PPP2R2B: variants seen among roughly 807,000 people sequenced by gnomAD.
PPP2R2B encodes serine/threonine-protein phosphatase 2A 55 kDa regulatory subunit B beta isoform.
In PPP2R2B, 5 loss-of-function variants were observed where a neutral mutation model predicts 46.0. The observed-to-expected ratio is 0.11, with a 90% CI of 0.06 to 0.23. The LOEUF is 0.23. Ranked by LOEUF, PPP2R2B falls within the 10% of genes least tolerant of loss-of-function variation. The pLI, the probability that PPP2R2B is intolerant of heterozygous loss-of-function variation, is 1.00. For missense variants in PPP2R2B, 367 were observed against 575.0 expected (o/e 0.64, Z 3.70); for synonymous variants, 215 against 206.7 (o/e 1.04, Z -0.34).
intron 2 of PPP2R2B, among the ~76,000 whole-genome samples, chr5:147,072,348 A>G (rs966480620): frequency 5.9e-5 from 9 of 152,222 alleles, no homozygotes; most frequent in African/African-American, 2.2e-4. Context: ...TTCTCTAAAA[A>G]TATCCATTAT....
At chr5:146,666,871 C>T (rs2151115279) in intron 5 of PPP2R2B, among the ~76,000 whole-genome samples, 1 of 152,262 alleles carries the variant, frequency 6.6e-6, no homozygotes, top group East Asian at 1.9e-4. Context: ...AAGTAAAATT[C>T]CCAGGTCTTT....
At chr5:146,822,858 G>A (rs926177614) in intron 2 of PPP2R2B, among the ~76,000 whole-genome samples, 32 of 152,144 alleles carry the variant, frequency 2.1e-4, no homozygotes, top group African/African-American at 4.6e-4. Context: ...AAGTCTTTCC[G>A]TGCCTTTGTC....
chr5:146,893,183 T>C (rs913730094), intron 1 of PPP2R2B, among the ~76,000 whole-genome samples: 1 of 152,200 alleles, frequency 6.6e-6, no homozygotes, highest in African/African-American at 2.4e-5. Flanking sequence ...ATCTCTGACA[T>C]TTTCAGTAAC....
chr5:146,772,445 T>A (rs902816027), intron 2 of PPP2R2B, among the ~76,000 whole-genome samples: 5 of 145,216 alleles, frequency 3.4e-5, no homozygotes, highest in Non-Finnish European at 7.5e-5. Context: ...TATTTCTAAA[T>A]ACAGAGAGAA....
chr5:146,763,801 C>A (rs553685010), intron 2 of PPP2R2B, among the ~76,000 whole-genome samples: 1 of 152,304 alleles, frequency 6.6e-6, no homozygotes, highest in Non-Finnish European at 1.5e-5. Context: ...TGGCTCACTG[C>A]AACTTTGACT....
chr5:147,081,405 C>T, exon 1 of PPP2R2B: 1 of 1,084,358 alleles, frequency 9.2e-7, no homozygotes, highest in South Asian at 1.4e-5. Context: ...GGAGTTTGTC[C>T]CTTCTCAGGC....
At chr5:146,729,031 G>T (rs1752059158) in intron 2 of PPP2R2B, among the ~76,000 whole-genome samples, 1 of 151,884 alleles carries the variant, frequency 6.6e-6, no homozygotes, top group Admixed American at 6.6e-5. Flanking sequence ...AGTTTGAAGG[G>T]CTCAGAAGAA....
chr5:147,032,604 G>T (rs993730578), intron 1 of PPP2R2B, among the ~76,000 whole-genome samples: 7 of 151,964 alleles, frequency 4.6e-5, no homozygotes, highest in Non-Finnish European at 7.4e-5. Context: ...TGAAAACACA[G>T]ATGTTTGGTG....
At chr5:146,996,371 T>C (rs1300340368) in intron 1 of PPP2R2B, among the ~76,000 whole-genome samples, 1 of 152,118 alleles carries the variant, frequency 6.6e-6, no homozygotes, top group Non-Finnish European at 1.5e-5. Flanking sequence ...GATAATTAGG[T>C]TCTTCTAAGT....
chr5:146,781,475 T>A (rs1445247419), intron 2 of PPP2R2B, among the ~76,000 whole-genome samples: 4 of 151,910 alleles, frequency 2.6e-5, no homozygotes, highest in Non-Finnish European at 5.9e-5. Context: ...TAGTTTACGT[T>A]AACACAAAAA....
intron 1 of PPP2R2B, chr5:146,922,386 G>A (rs879573019): frequency 1.3e-5 from 2 of 152,102 alleles, no homozygotes; most frequent in South Asian, 4.2e-4. Flanking sequence ...AGAGACTGCC[G>A]GGATGATATT....
chr5:146,843,726 A>G (rs1328209526), intron 2 of PPP2R2B, among the ~76,000 whole-genome samples: 2 of 152,184 alleles, frequency 1.3e-5, no homozygotes, highest in South Asian at 2.1e-4. Context: ...TTTCAAAAAT[A>G]TACTGAAAAT....
At chr5:146,919,561 A>C (rs1472944562) in intron 1 of PPP2R2B, 1 of 152,234 alleles carries the variant, frequency 6.6e-6, no homozygotes, top group Admixed American at 6.5e-5. Flanking sequence ...CCAGAGCAAC[A>C]GACCACCCAG....
intron 5 of PPP2R2B, among the ~76,000 whole-genome samples, chr5:146,669,433 C>A (rs1777203325): frequency 6.6e-6 from 1 of 151,992 alleles, no homozygotes; most frequent in African/African-American, 2.4e-5. Context: ...ATATTTTTCA[C>A]AAATGGCCCC....
chr5:147,041,303 A>C (rs1756285140), intron 1 of PPP2R2B, among the ~76,000 whole-genome samples: 1 of 152,162 alleles, frequency 6.6e-6, no homozygotes, highest in Non-Finnish European at 1.5e-5. Flanking sequence ...AGCCATCTAG[A>C]AAATAGCTCT....
At chr5:146,662,289 A>C (rs900605915) in intron 5 of PPP2R2B, among the ~76,000 whole-genome samples, 4 of 152,202 alleles carry the variant, frequency 2.6e-5, no homozygotes, top group African/African-American at 9.6e-5. Flanking sequence ...GAATTTAAAA[A>C]ACATGGCCTT....
At chr5:146,899,528 G>A (rs1388287613) in intron 1 of PPP2R2B, among the ~76,000 whole-genome samples, 1 of 151,550 alleles carries the variant, frequency 6.6e-6, no homozygotes, top group Admixed American at 6.6e-5. Context: ...AATGCTAAAT[G>A]ATGAGTTAAT....
intron 2 of PPP2R2B, among the ~76,000 whole-genome samples, chr5:146,829,047 G>GA (rs1026663491): frequency 1.3e-5 from 2 of 152,132 alleles, no homozygotes; most frequent in African/African-American, 2.4e-5. Context: ...TTTATGGAAA[G>GA]AAAAAATTTT....
intron 2 of PPP2R2B, among the ~76,000 whole-genome samples, chr5:146,826,467 G>T (rs150033652): frequency 7.2e-5 from 11 of 152,166 alleles, no homozygotes; most frequent in African/African-American, 2.6e-4. Context: ...GGGAAAATTT[G>T]CTTTGTGAAT....
Sources: allele counts gnomAD v4.1 joint callset (sites outside exome capture counted in the v4.1 genomes callset), GRCh38; gene constraint gnomAD v4.1.1; transcripts MANE v1.5; gene names NCBI Gene and HGNC (gene_info 2026-07-23, HGNC 2026-07-21).